The following PLXNA4 variants were observed in gnomAD, a reference collection of about 807,000 sequenced individuals.
The protein encoded by PLXNA4 is plexin-A4.
In PLXNA4, 44 loss-of-function variants were observed where a neutral mutation model predicts 191.8. The ratio of observed to expected loss-of-function variants is 0.23; its 90% CI spans 0.18 to 0.29. The LOEUF is 0.29. PLXNA4 is among the 10% of genes least tolerant of loss of function. The pLI is 1.00. For synonymous variants in PLXNA4, 1,082 were observed against 1,009.5 expected (o/e 1.07, Z -1.36); for missense variants, 1,800 against 2,488.8 (o/e 0.72, Z 5.89).
intron 3 of PLXNA4, among the ~76,000 whole-genome samples, chr7:132,375,284 C>T (rs965688229): frequency 1.3e-4 from 7 of 54,014 alleles, no homozygotes; most frequent in African/African-American, 5.8e-4. Context: ...TCCATCCCGC[C>T]CCCCCCCACG....
chr7:132,156,168 ACACACACACACACAGACGCACACACG>A, intron 25 of PLXNA4, among the ~76,000 whole-genome samples: 1 of 151,672 alleles, frequency 6.6e-6, no homozygotes, highest in African/African-American at 2.4e-5. Context: ...ACACACACAC[ACACACACACACACAGACGCACACACG>A]CACACAACCC....
chr7:132,416,733 G>A (rs1032485858), intron 3 of PLXNA4, among the ~76,000 whole-genome samples: 1 of 152,214 alleles, frequency 6.6e-6, no homozygotes, highest in Non-Finnish European at 1.5e-5. Context: ...CAAACCTGGA[G>A]TTTGGGAAGC....
chr7:132,611,369 A>T lies in PLXNA4; in HGVS notation c.-87+34559T>A, dbSNP rs938386425. Reference sequence around the variant, plus strand: ...AACAGCTCTTTCTCCACTCCACATCAAAACTCCAGCCTTTGGCAAACATAT... The same window carrying T: ...AACAGCTCTTTCTCCACTCCACATCTAAACTCCAGCCTTTGGCAAACATAT... On this transcript the variant is annotated intron_variant, in intron 2 of 4. Coordinates refer to the PLXNA4 transcript ENST00000378539. 2.0e-4 allele frequency among the ~76,000 whole-genome samples: 30 copies of T among 152,324 alleles called. No individual in the cohort carries two copies. In the South Asian group the frequency reaches 2.7e-3, roughly 14 times the overall value.
At chr7:132,626,597 TG>T (rs946112977) in intron 2 of PLXNA4, among the ~76,000 whole-genome samples, 55 of 152,332 alleles carry the variant, frequency 3.6e-4, no homozygotes, top group Admixed American at 2.9e-3. Context: ...GCTCCGGCCA[TG>T]TAATGTGCCT....
At chr7:132,365,250 TG>T (rs1804105642) in intron 3 of PLXNA4, among the ~76,000 whole-genome samples, 1 of 152,092 alleles carries the variant, frequency 6.6e-6, no homozygotes, top group Non-Finnish European at 1.5e-5. Context: ...TAGTGAATAA[TG>T]GTCCCTTGAG....
intron 3 of PLXNA4, among the ~76,000 whole-genome samples, chr7:132,319,019 A>G (rs67468325): frequency 0.067 from 10,273 of 152,208 alleles, 462 homozygotes; most frequent in African/African-American, 0.12. Context: ...AAGGGAAGGC[A>G]TGTCCACACG....
At chr7:132,471,759 C>T (rs1278474178) in intron 3 of PLXNA4, among the ~76,000 whole-genome samples, 1 of 152,106 alleles carries the variant, frequency 6.6e-6, no homozygotes, top group Non-Finnish European at 1.5e-5. Context: ...CTCTGGTTCC[C>T]CCTTCACCCA....
intron 24 of PLXNA4, among the ~76,000 whole-genome samples, chr7:132,163,117 G>A (rs558597292): frequency 6.6e-6 from 1 of 152,166 alleles, no homozygotes; most frequent in East Asian, 1.9e-4. Context: ...CCAACACTCA[G>A]CTTTTATCTT....
chr7:132,366,739 G>A (rs756072599), intron 3 of PLXNA4, among the ~76,000 whole-genome samples: 9 of 152,168 alleles, frequency 5.9e-5, no homozygotes, highest in Non-Finnish European at 1.2e-4. Context: ...ATATGATGAT[G>A]AGAGCTTTAA....
At chr7:132,299,751 C>T (rs1255171342) in intron 3 of PLXNA4, among the ~76,000 whole-genome samples, 5 of 152,098 alleles carry the variant, frequency 3.3e-5, no homozygotes, top group African/African-American at 4.8e-5. Flanking sequence ...CCAGGTTGTC[C>T]GTGATGAGCA....
At chr7:132,367,972 C>T (rs1019297041) in intron 3 of PLXNA4, 1 of 152,212 alleles carries the variant, frequency 6.6e-6, no homozygotes, top group Non-Finnish European at 1.5e-5. Flanking sequence ...GAAGCCCTCT[C>T]TCTTCCAACT....
chr7:132,226,499 T>G (rs912128528), intron 7 of PLXNA4, among the ~76,000 whole-genome samples: 1 of 152,262 alleles, frequency 6.6e-6, no homozygotes, highest in Non-Finnish European at 1.5e-5. Flanking sequence ...CACACACAGA[T>G]GCACACTGCC....
chr7:132,366,546 G>T (rs1263101235), intron 3 of PLXNA4, among the ~76,000 whole-genome samples: 3 of 151,990 alleles, frequency 2.0e-5, no homozygotes, highest in Non-Finnish European at 4.4e-5. Flanking sequence ...AAGAGAGAGA[G>T]AATTAAATAA....
intron 2 of PLXNA4, 96 bp downstream of exon 2, chr7:132,507,410 A>G: frequency 7.4e-7 from 1 of 1,352,176 alleles, no homozygotes; most frequent in Non-Finnish European, 9.9e-7. Flanking sequence ...TCATCTGCAA[A>G]AGGGGAAGGA....
Position 132,180,576 on chromosome 7 carries a change from C to A in PLXNA4, c.3639+10G>T. 6.2e-7 allele frequency: 1 copy of A among 1,614,110 alleles called. No individual in the cohort carries two copies. The highest frequency in any genetic ancestry group is 8.5e-7 in the Non-Finnish European group (1 of 1,179,974). On this transcript the variant is annotated intron_variant, in intron 19 of 31. Transcript: ENST00000321063. The stretch of plus-strand genomic sequence containing the variant: ...CCGCTCCATCCAGGATGGGGTTCTG[C>A]CAGCCTCACCATCACTTTGTGCCTG...
At chr7:132,385,231 G>T (rs916366825) in intron 3 of PLXNA4, 1 of 1,614,098 alleles carries the variant, frequency 6.2e-7, no homozygotes, top group Admixed American at 1.7e-5. Context: ...CAGAGTCACT[G>T]TTGCTCTGTG....
intron 3 of PLXNA4, among the ~76,000 whole-genome samples, chr7:132,462,698 T>A (rs1161279507): frequency 6.6e-6 from 1 of 152,000 alleles, no homozygotes; most frequent in Non-Finnish European, 1.5e-5. Flanking sequence ...CACCTCAACC[T>A]CCCAAGTCTT....
At chr7:132,189,000 G>GGAAAGGAAAGGAAAGGAAAGGAAAGGA (rs1796988049) in intron 14 of PLXNA4, among the ~76,000 whole-genome samples, 1 of 14,762 alleles carries the variant, frequency 6.8e-5, no homozygotes, top group Non-Finnish European at 1.2e-4. Context: ...AAAGGAGAGA[G>GGAAAGGAAAGGAAAGGAAAGGAAAGGA]AGAGAGAGAG....
At chr7:132,403,902 G>A (rs779758627) in intron 3 of PLXNA4, among the ~76,000 whole-genome samples, 2 of 152,106 alleles carry the variant, frequency 1.3e-5, no homozygotes, top group Non-Finnish European at 2.9e-5. Flanking sequence ...AGTCCCCAGG[G>A]CAGCCAGGAG....
Sources: gnomAD v4.1 joint callset for allele counts (sites outside exome capture counted in the v4.1 genomes callset) on GRCh38, gnomAD v4.1.1 for gene constraint, MANE v1.5 for transcripts, NCBI Gene and HGNC (gene_info 2026-07-23, HGNC 2026-07-21) for gene names.